The following SESTD1 variants were observed in gnomAD, a reference collection of about 807,000 sequenced individuals.
The protein encoded by SESTD1 is SEC14 domain and spectrin repeat-containing protein 1.
Under a neutral mutation model 101.7 loss-of-function variants are expected in SESTD1, and 43 were observed. The observed-to-expected ratio is 0.42, with a 90% CI of 0.33 to 0.55. The LOEUF (loss-of-function observed/expected upper bound fraction) is 0.55. SESTD1 is among the 20% of genes least tolerant of loss of function. SESTD1 has a pLI of 0.07. For missense variants in SESTD1, 647 were observed against 815.1 expected, an observed-to-expected ratio of 0.79 and a Z score of 2.51; for synonymous variants, 283 against 286.8, an observed-to-expected ratio of 0.99 and a Z score of 0.13.
intron 1 of SESTD1, among the ~76,000 whole-genome samples, chr2:179,235,901 T>A (rs1339815667): frequency 1.3e-5 from 2 of 152,196 alleles, no homozygotes. Context: ...TATGATGTCA[T>A]CTTCGCTGAA....
At chr2:179,195,424 C>T (rs1202914054) in intron 1 of SESTD1, among the ~76,000 whole-genome samples, 2 of 152,202 alleles carry the variant, frequency 1.3e-5, no homozygotes, top group African/African-American at 4.8e-5. Context: ...TCTCCCCAGC[C>T]ATGCAGAACT....
intron 1 of SESTD1, among the ~76,000 whole-genome samples, chr2:179,198,008 C>T (rs1299232736): frequency 6.6e-6 from 1 of 152,100 alleles, no homozygotes; most frequent in African/African-American, 2.4e-5. Context: ...AAAAGACACA[C>T]AATGGCAAAC....
intron 1 of SESTD1, among the ~76,000 whole-genome samples, chr2:179,205,622 T>C (rs1011735996): frequency 7.4e-6 from 1 of 135,202 alleles, no homozygotes; most frequent in Non-Finnish European, 1.6e-5. Context: ...CACTTTAGCA[T>C]GGTAAAATGC....
Position 179,109,653 on chromosome 2 carries a change from G to T in SESTD1, c.*246C>A, listed in dbSNP as rs2044463614. On this transcript the variant is annotated 3_prime_UTR_variant, in exon 18 of 18. Coordinates refer to ENST00000428443, the MANE Select transcript of SESTD1 (RefSeq NM_178123.5). ...CTGACAGGTCAGGTAAAGCTTTAAA[G>T]CAAGTTTTCAGTGCAATGTTTATAG... The T allele has an allele frequency of 1.9e-5, 9 of 476,520 alleles. No individual in the cohort carries two copies. The highest frequency in any genetic ancestry group is 1.2e-4 in the East Asian group (4 of 32,592). The allele number at this position is 476,520 out of a possible 1,614,324, so 29.5% of individuals were successfully genotyped here.
At chr2:179,117,459 CTT>C (rs1359065071) in intron 14 of SESTD1, 71 bp downstream of exon 14, 21 of 1,346,128 alleles carry the variant, frequency 1.6e-5, no homozygotes, top group Admixed American at 2.7e-5. Flanking sequence ...GAAAAGTACA[CTT>C]TTGTTTGTAG....
intron 9 of SESTD1, among the ~76,000 whole-genome samples, chr2:179,138,870 C>CAAAAAAAAAAAAAAAA (rs61703699): frequency 1.5e-5 from 1 of 65,538 alleles, no homozygotes; most frequent in African/African-American, 4.4e-5. Context: ...AACCCTGTCT[C>CAAAAAAAAAAAAAAAA]AAAAAAAAAA....
intron 1 of SESTD1, 114 bp from the exon 2 acceptor site, chr2:179,191,980 G>A (rs2105497191): frequency 1.4e-6 from 1 of 719,566 alleles, no homozygotes; most frequent in Non-Finnish European, 2.4e-6. Context: ...GACATTTTGA[G>A]CAAGATAATT....
Position 179,204,210 on chromosome 2 carries a change from G to C in SESTD1, c.-25-12344C>G, listed in dbSNP as rs2046561312. ...TCCTTTTAATTATCAGACCAAGAGAGACACTAAAATGAGACCACAATCATG... is the reference window on the plus strand; with the variant it reads ...TCCTTTTAATTATCAGACCAAGAGACACACTAAAATGAGACCACAATCATG... On this transcript the variant is annotated intron_variant, in intron 1 of 17. Coordinates refer to ENST00000428443, the MANE Select transcript of SESTD1 (RefSeq NM_178123.5). Among the ~76,000 whole-genome samples, 2 of 134,694 alleles carry C rather than the reference G, an allele frequency of 1.5e-5. 1 individual carries two copies. The highest frequency in any genetic ancestry group is 3.2e-5 in the Non-Finnish European group (2 of 62,760). The allele number at this position is 134,694 out of a possible 152,430, so 88.4% of individuals were successfully genotyped here.
chr2:179,225,864 C>A (rs1429609957), intron 1 of SESTD1, among the ~76,000 whole-genome samples: 1 of 152,176 alleles, frequency 6.6e-6, no homozygotes, highest in Non-Finnish European at 1.5e-5. Context: ...CCTCTTAATG[C>A]AACCACAGTT....
At chr2:179,200,082 C>A (rs374163959) in intron 1 of SESTD1, among the ~76,000 whole-genome samples, 2 of 152,078 alleles carry the variant, frequency 1.3e-5, no homozygotes, top group Non-Finnish European at 2.9e-5. Context: ...CAAAGTCTCA[C>A]GATACAAAAT....
intron 10 of SESTD1, among the ~76,000 whole-genome samples, chr2:179,131,018 GA>G (rs1319788824): frequency 6.7e-6 from 1 of 148,696 alleles, no homozygotes; most frequent in Non-Finnish European, 1.5e-5. Flanking sequence ...TCAATTATGA[GA>G]TTTCATTTTC....
chr2:179,134,259 T>C (rs756957789), intron 9 of SESTD1, among the ~76,000 whole-genome samples: 3 of 152,222 alleles, frequency 2.0e-5, no homozygotes, highest in African/African-American at 4.8e-5. Flanking sequence ...TTCTCATAGA[T>C]AACAAGTAGT....
At chr2:179,116,929 T>A in intron 14 of SESTD1, 139 bp from the exon 15 acceptor site, 1 of 1,177,366 alleles carries the variant, frequency 8.5e-7, no homozygotes, top group Non-Finnish European at 1.2e-6. Context: ...GCTTATTTCA[T>A]TCAATGATAA....
intron 3 of SESTD1, among the ~76,000 whole-genome samples, chr2:179,177,125 C>T (rs1331672148): frequency 2.0e-5 from 3 of 152,158 alleles, no homozygotes; most frequent in African/African-American, 4.8e-5. Flanking sequence ...TTTGCATTGT[C>T]AGTCACAGGA....
intron 1 of SESTD1, among the ~76,000 whole-genome samples, chr2:179,246,874 A>T (rs1002217137): frequency 6.6e-6 from 1 of 152,246 alleles, no homozygotes; most frequent in Non-Finnish European, 1.5e-5. Context: ...GCAGAGTGAA[A>T]GTAGGTTAAT....
At position 179,174,942 on chromosome 2, in the gene SESTD1, T is replaced by TA. The variant is rs71401720; in HGVS notation, c.255+1505dup. On this transcript the variant is annotated intron_variant, in intron 4 of 17. Coordinates refer to ENST00000428443, the MANE Select transcript of SESTD1 (RefSeq NM_178123.5). ...TGAGTGACAAAGTGAGTCCCTGATATAAAAAAAAAAAAAAAAAGGTGGGAT... is the reference window on the plus strand; with the variant it reads ...TGAGTGACAAAGTGAGTCCCTGATATAAAAAAAAAAAAAAAAAAGGTGGGAT... 4.8e-3 allele frequency among the ~76,000 whole-genome samples: 626 copies of TA among 130,838 alleles called. 7 individuals are homozygous for TA. The highest frequency in any genetic ancestry group is 0.017 in the African/African-American group (557 of 33,646). The allele number at this position is 130,838 out of a possible 152,430, so 85.8% of individuals were successfully genotyped here. A position where few individuals can be genotyped will look rare whatever the true frequency, so the allele number is the denominator to read the frequency against.
At chr2:179,195,367 G>A (rs556797638) in intron 1 of SESTD1, among the ~76,000 whole-genome samples, 17 of 152,338 alleles carry the variant, frequency 1.1e-4, no homozygotes, top group African/African-American at 3.6e-4. Context: ...ACCCTGTGAA[G>A]AAGGTGTCTG....
At chr2:179,170,418 G>A (rs1263477408) in intron 5 of SESTD1, among the ~76,000 whole-genome samples, 2 of 152,048 alleles carry the variant, frequency 1.3e-5, no homozygotes, top group Non-Finnish European at 2.9e-5. Flanking sequence ...ATAGGTAAGA[G>A]ATTTAAACTG....
rs1181600789 is a variant in SESTD1, at chr2:179,210,420, C to A, written c.-25-18554G>T. ...CCAATATCCCTGATTAAGATACATG[C>A]AAAAATCCTCAACAAAATACTAACT... is the stretch of plus-strand genomic sequence containing the variant. On this transcript the variant is annotated intron_variant, in intron 1 of 17. Coordinates refer to ENST00000428443, the MANE Select transcript of SESTD1 (RefSeq NM_178123.5). 1.5e-5 allele frequency among the ~76,000 whole-genome samples: 2 copies of A among 133,856 alleles called. 1 individual carries two copies. The highest frequency in any genetic ancestry group is 5.9e-5 in the African/African-American group (2 of 33,776). 87.8% of individuals were successfully genotyped at this position (133,856 alleles called of 152,430 possible). A position where few individuals can be genotyped will look rare whatever the true frequency, so the allele number is the denominator to read the frequency against.
Sources: gnomAD v4.1 joint callset for allele counts (sites outside exome capture counted in the v4.1 genomes callset) on GRCh38, gnomAD v4.1.1 for gene constraint, MANE v1.5 for transcripts, NCBI Gene and HGNC (gene_info 2026-07-23, HGNC 2026-07-21) for gene names.